The following EPHA4 variants were observed in gnomAD, a reference collection of about 807,000 sequenced individuals.
EPHA4 encodes the protein EPH receptor A4.
Under a neutral mutation model 108.3 loss-of-function variants are expected in EPHA4, and 19 were observed. The ratio of observed to expected loss-of-function variants is 0.18; its 90% confidence interval spans 0.12 to 0.26. The LOEUF is 0.26. Ranked by LOEUF, EPHA4 falls within the 10% of genes least tolerant of loss-of-function variation. The probability of loss-of-function intolerance (pLI) is 1.00; values close to 1 mark genes in which losing one functional copy is unlikely to be tolerated. For synonymous variants in EPHA4, 449 were observed against 455.5 expected (o/e 0.99, Z 0.18); for missense variants, 917 against 1,254.0 (o/e 0.73, Z 4.06).
chr2:221,509,097 G>C (rs1030950307), intron 3 of EPHA4, among the ~76,000 whole-genome samples: 3 of 152,202 alleles, frequency 2.0e-5, no homozygotes, highest in African/African-American at 7.2e-5. Flanking sequence ...GGGAGGCCTA[G>C]GTGGACTGAT....
At chr2:221,509,677 A>G (rs1454097787) in intron 3 of EPHA4, among the ~76,000 whole-genome samples, 1 of 152,238 alleles carries the variant, frequency 6.6e-6, no homozygotes, top group Non-Finnish European at 1.5e-5. Context: ...ATCCATTTAG[A>G]AAGGTTAAAA....
intron 4 of EPHA4, among the ~76,000 whole-genome samples, chr2:221,494,438 T>C (rs558999421): frequency 2.1e-4 from 32 of 152,144 alleles, no homozygotes; most frequent in Non-Finnish European, 4.0e-4. Flanking sequence ...ACCCAGGCTC[T>C]ACTAAAAATA....
intron 17 of EPHA4, 56 bp from the exon 18 acceptor site, chr2:221,420,608 C>G (rs1197959763): frequency 1.3e-5 from 2 of 152,202 alleles, no homozygotes; most frequent in Non-Finnish European, 2.9e-5. Flanking sequence ...TGCGAGCCAA[C>G]TGTCAACCAC....
chr2:221,445,845 C>A (rs1295062020), intron 9 of EPHA4, among the ~76,000 whole-genome samples: 1 of 151,982 alleles, frequency 6.6e-6, no homozygotes, highest in Non-Finnish European at 1.5e-5. Context: ...CCAGCTACAA[C>A]AATGAGCCAG....
At position 221,425,962 on chromosome 2, in the gene EPHA4, T is replaced by A. The variant is rs1689888849; in HGVS notation, c.*66A>T. On this transcript the variant is annotated 3_prime_UTR_variant, in exon 17 of 18. Transcript: ENST00000281821. Reference sequence around the variant, plus strand: ...GAAGACGAAGTAAAAAAAGTGCAGTTCTTCAATTAAAGTGCATGGATGAGG... The same window carrying A: ...GAAGACGAAGTAAAAAAAGTGCAGTACTTCAATTAAAGTGCATGGATGAGG... 7.5e-6 allele frequency: 10 copies of A among 1,337,228 alleles called. 1 individual carries two copies. The highest frequency in any genetic ancestry group is 3.7e-4 in the Middle Eastern group (2 of 5,476). 82.8% of individuals were successfully genotyped at this position (1,337,228 alleles called of 1,614,324 possible). A position where few individuals can be genotyped will look rare whatever the true frequency, so the allele number is the denominator to read the frequency against.
At chr2:221,554,442 T>A (rs1169336189) in intron 3 of EPHA4, among the ~76,000 whole-genome samples, 1 of 152,246 alleles carries the variant, frequency 6.6e-6, no homozygotes, top group African/African-American at 2.4e-5. Flanking sequence ...TATATGATCG[T>A]GGCCTTTCAG....
intron 2 of EPHA4, among the ~76,000 whole-genome samples, chr2:221,566,629 G>GA (rs912054242): frequency 2.1e-4 from 31 of 149,180 alleles, no homozygotes; most frequent in South Asian, 4.2e-4. Flanking sequence ...TTAAGGAAAA[G>GA]AAAAAAAAAC....
At chr2:221,499,715 A>T (rs1369423372) in intron 4 of EPHA4, among the ~76,000 whole-genome samples, 1 of 48,454 alleles carries the variant, frequency 2.1e-5, no homozygotes, top group Non-Finnish European at 3.4e-5. Context: ...AACTAAAACT[A>T]ATATATATAT....
intron 3 of EPHA4, among the ~76,000 whole-genome samples, chr2:221,529,826 T>A (rs1693453894): frequency 1.3e-5 from 2 of 152,106 alleles, no homozygotes; most frequent in South Asian, 4.1e-4. Context: ...ACAACTTTTG[T>A]TTTTCCCCTA....
At chr2:221,506,944 G>T (rs1341004629) in intron 3 of EPHA4, among the ~76,000 whole-genome samples, 2 of 152,184 alleles carry the variant, frequency 1.3e-5, no homozygotes, top group Admixed American at 1.3e-4. Context: ...GGAATTCTTT[G>T]TTGGAGAGAG....
rs1233305564 is a variant in EPHA4, at chr2:221,564,887, C to CAAAA, written c.160-497_160-494dup. On this transcript the variant is annotated intron_variant, in intron 2 of 17. Transcript: ENST00000281821. ...GTCAGAACTTTGCTCTCTAATACCT[C>CAAAA]AAAAAAAAAAAAAAAAAAAAAAAAG... Among the ~76,000 whole-genome samples, 56 of 73,038 alleles carry CAAAA rather than the reference C, an allele frequency of 7.7e-4. 1 individual carries two copies. The highest frequency in any genetic ancestry group is 2.4e-3 in the African/African-American group (51 of 20,902). The allele number at this position is 73,038 out of a possible 152,430, so 47.9% of individuals were successfully genotyped here.
Position 221,437,110 on chromosome 2 carries a change from A to G in EPHA4, c.2087T>C (p.Met696Thr). 1 of 1,612,304 alleles carries G rather than the reference A, an allele frequency of 6.2e-7. No individual in the cohort carries two copies. Among genetic ancestry groups the G allele is most frequent in the South Asian group, 1.1e-5 (1 of 91,042 alleles). ...EGVVTKCKPV[M>T]IITEYMENGS... ...ATTCTCCATGTACTCTGTTATGATCATTACTGGTTTACCTAGAGTTTTCAG... is the reference window on the plus strand; with the variant it reads ...ATTCTCCATGTACTCTGTTATGATCGTTACTGGTTTACCTAGAGTTTTCAG... Residue 696 changes from methionine (M) to threonine (T), a missense_variant, in exon 12 of 18, where the codon ATG (methionine) becomes ACG (threonine). This residue lies in a region of EPHA4 where 758 missense variants were observed against 1,076.7 expected (regional missense o/e 0.70). Transcript: ENST00000281821.
chr2:221,570,116 C>G (rs1178532379), intron 1 of EPHA4, among the ~76,000 whole-genome samples: 1 of 151,480 alleles, frequency 6.6e-6, no homozygotes, highest in East Asian at 1.9e-4. Flanking sequence ...AACAATAAGA[C>G]CCAATTTACA....
intron 11 of EPHA4, among the ~76,000 whole-genome samples, chr2:221,442,013 A>C (rs1051301403): frequency 6.6e-6 from 1 of 152,164 alleles, no homozygotes; most frequent in East Asian, 1.9e-4. Context: ...ACGCTGACTG[A>C]AGATGCTTTC....
At chr2:221,520,506 C>CCACACACACA (rs61047207) in intron 3 of EPHA4, among the ~76,000 whole-genome samples, 7 of 142,044 alleles carry the variant, frequency 4.9e-5, no homozygotes, top group African/African-American at 1.8e-4. Flanking sequence ...TTTCCTCTAA[C>CCACACACACA]CACACACACA....
rs1348295085 is a variant in EPHA4 at position 221,446,190 on chromosome 2, AT to A, written c.1716-10del. 1.3e-6 allele frequency: 2 copies of A among 1,489,704 alleles called. No individual in the cohort carries two copies. The highest frequency in any genetic ancestry group is 8.9e-7 in the Non-Finnish European group (1 of 1,118,326). The allele number at this position is 1,489,704 out of a possible 1,614,324, so 92.3% of individuals were successfully genotyped here. ...TACTGTATTTACTCCGTCTATTAAA[AT>A]TTTTTTAAAAAAGAGAATTATTTTC... On this transcript the variant is annotated splice_polypyrimidine_tract_variant and intron_variant, in intron 8 of 17. Coordinates refer to ENST00000281821, the MANE Select transcript of EPHA4 (RefSeq NM_004438.5).
At chr2:221,420,750 C>A (rs934740653) in intron 17 of EPHA4, among the ~76,000 whole-genome samples, 198 bp from the exon 18 acceptor site, 6 of 150,934 alleles carry the variant, frequency 4.0e-5, no homozygotes, top group African/African-American at 1.5e-4. Flanking sequence ...AACCTGTTTA[C>A]TAACAGCTTA....
At chr2:221,550,275 C>A (rs1392689786) in intron 3 of EPHA4, among the ~76,000 whole-genome samples, 1 of 152,052 alleles carries the variant, frequency 6.6e-6, no homozygotes, top group Non-Finnish European at 1.5e-5. Flanking sequence ...CAGTCCAGAG[C>A]CAGTGTTAAT....
At chr2:221,490,493 A>G (rs933900176) in intron 4 of EPHA4, among the ~76,000 whole-genome samples, 37 of 142,420 alleles carry the variant, frequency 2.6e-4, no homozygotes, top group Non-Finnish European at 2.4e-4. Flanking sequence ...CAGAAAGGTA[A>G]CTCTCCCATG....
Sources: gnomAD v4.1 joint callset for allele counts (sites outside exome capture counted in the v4.1 genomes callset) on GRCh38, gnomAD v4.1.1 for gene constraint, gnomAD v4.1.1 regional missense constraint, MANE v1.5 for transcripts, NCBI Gene and HGNC (gene_info 2026-07-23, HGNC 2026-07-21) for gene names.